The following HDGF variants were observed in gnomAD, a reference collection of about 807,000 sequenced individuals.
HDGF encodes the protein heparin binding growth factor.
HDGF carries 5 observed loss-of-function variants against 30.0 expected under a neutral mutation model. The ratio of observed to expected loss-of-function variants is 0.17; its 90% CI spans 0.09 to 0.35. The LOEUF is 0.35. Ranked by LOEUF, HDGF falls within the 10% of genes least tolerant of loss-of-function variation. HDGF has a pLI of 1.00. For synonymous variants in HDGF, 133 were observed against 112.7 expected, an observed-to-expected ratio of 1.18 and a Z score of -1.14; for missense variants, 214 against 302.8, an observed-to-expected ratio of 0.71 and a Z score of 2.18.
rs1274656267 is a variant in HDGF, at chr1:156,751,299, C to T, written c.87+44G>A. 1 of 1,593,418 alleles carries T rather than the reference C, an allele frequency of 6.3e-7. No homozygotes were observed. The highest frequency in any genetic ancestry group is 2.3e-5 in the East Asian group (1 of 43,108). ...CGTGCCCTTCCCGGTGTTATGCAAC[C>T]CAAGCCCGCAGGGGGTTAGGGGGCG... On this transcript the variant is annotated intron_variant, in intron 1 of 5. Coordinates refer to ENST00000357325, the MANE Select transcript of HDGF (RefSeq NM_004494.3). This position sits in a 1 kb window ranked among gnomAD's most constrained non-coding sequence, Gnocchi z 4.7.
At chr1:156,758,036 G>A (rs1379765803) in intron 2 of HDGF, among the ~76,000 whole-genome samples, 6 of 151,960 alleles carry the variant, frequency 3.9e-5, no homozygotes, top group African/African-American at 1.5e-4. Context: ...GGTGGCTCAC[G>A]CCTGTTATCC....
intron 1 of HDGF, among the ~76,000 whole-genome samples, chr1:156,760,351 G>A (rs1463298127): frequency 6.6e-6 from 1 of 152,176 alleles, no homozygotes; most frequent in African/African-American, 2.4e-5. Flanking sequence ...GGGTGAGGGG[G>A]GGCCAAGTCC....
intron 1 of HDGF, among the ~76,000 whole-genome samples, chr1:156,745,777 C>A (rs1034690363): frequency 2.0e-5 from 3 of 152,218 alleles, no homozygotes; most frequent in African/African-American, 7.2e-5. Flanking sequence ...TTTAAGGACT[C>A]TAGAACCCAC....
intron 1 of HDGF, among the ~76,000 whole-genome samples, chr1:156,750,313 A>G (rs1650875003): frequency 6.6e-6 from 1 of 152,156 alleles, no homozygotes; most frequent in South Asian, 2.1e-4. Flanking sequence ...ACCAACTTTA[A>G]GTTGCCAAAT....
intron 1 of HDGF, among the ~76,000 whole-genome samples, chr1:156,749,257 T>C (rs1019020096): frequency 6.6e-5 from 10 of 152,214 alleles, no homozygotes; most frequent in Non-Finnish European, 1.2e-4. Context: ...GCTGAAGATT[T>C]GGGTTTCCTA....
At chr1:156,759,231 A>T (rs1651203026) in intron 1 of HDGF, 1 of 152,184 alleles carries the variant, frequency 6.6e-6, no homozygotes, top group South Asian at 2.1e-4. Context: ...TTTAGGAGGT[A>T]AAAGGAGTGA....
intron 2 of HDGF, among the ~76,000 whole-genome samples, chr1:156,758,496 G>T (rs562178112): frequency 1.5e-4 from 22 of 151,568 alleles, no homozygotes; most frequent in African/African-American, 5.1e-4. Flanking sequence ...GGCAGGCTGA[G>T]GCAGGAGAAT....
chr1:156,762,868 G>T (rs1214301717), intron 1 of HDGF, among the ~76,000 whole-genome samples: 1 of 144,772 alleles, frequency 6.9e-6, no homozygotes, highest in African/African-American at 2.5e-5. Flanking sequence ...GCGAAACTCC[G>T]TCTCAAAAAA....
rs1173202064 is a variant in HDGF, at chr1:156,751,662, GTTGT to G, written c.-237_-234del. 1 of 1,054,624 alleles carries G rather than the reference GTTGT, an allele frequency of 9.5e-7. No individual in the cohort carries two copies. The highest frequency in any genetic ancestry group is 3.6e-5 in the South Asian group (1 of 27,578). 65.3% of individuals were successfully genotyped at this position (1,054,624 alleles called of 1,614,324 possible). ...GGCGCGGTGGGTGCGCGCTCGTGCA[GTTGT>G]TTGTGTTTGAAATTCAATTGCTCCC... On this transcript the variant is annotated 5_prime_UTR_variant, in exon 1 of 6. Transcript: ENST00000357325. This position sits in a 1 kb window ranked among gnomAD's most constrained non-coding sequence, Gnocchi z 4.7.
intron 1 of HDGF, among the ~76,000 whole-genome samples, chr1:156,763,898 T>G (rs75558400): frequency 0.043 from 6,463 of 151,196 alleles, 486 homozygotes; most frequent in African/African-American, 0.15. Flanking sequence ...TAAATTTCTA[T>G]TCTTTAAAAT....
intron 1 of HDGF, among the ~76,000 whole-genome samples, chr1:156,748,993 G>A (rs975433509): frequency 6.6e-6 from 1 of 152,236 alleles, no homozygotes; most frequent in African/African-American, 2.4e-5. Flanking sequence ...GATCAGGGGG[G>A]AAAATCCCTG....
At position 156,742,732 on chromosome 1, in the gene HDGF, A is replaced by G. The variant is rs992099180; in HGVS notation, c.*717T>C. 6.5e-6 allele frequency: 1 copy of G among 154,750 alleles called. No homozygotes were observed. Among genetic ancestry groups the G allele is most frequent in the African/African-American group, 2.4e-5 (1 of 41,488 alleles). 9.6% of individuals were successfully genotyped at this position (154,750 alleles called of 1,614,324 possible). A position where few individuals can be genotyped will look rare whatever the true frequency, so the allele number is the denominator to read the frequency against. On this transcript the variant is annotated 3_prime_UTR_variant, in exon 6 of 6. Transcript: ENST00000357325. Reference sequence around the variant, plus strand: ...GCTCAACACTCCCACCCAAATGGGTAAAGTCAACCCTTCAGGTCTCAGGTC... The same window carrying G: ...GCTCAACACTCCCACCCAAATGGGTGAAGTCAACCCTTCAGGTCTCAGGTC...
rs1250999011 is a variant in HDGF, at chr1:156,758,462, G to A, written n.373+521C>T. ...AAAAACATTCACTGGGCATGGTGGC[G>A]GGCACCTGTAGTCCCAGCTACTTGG... is the stretch of plus-strand genomic sequence containing the variant. On this transcript the variant is annotated intron_variant and non_coding_transcript_variant, in intron 2 of 7. Coordinates refer to the HDGF transcript ENST00000465180. Among the ~76,000 whole-genome samples the A allele has an allele frequency of 4.0e-5, 6 of 151,718 alleles. No individual in the cohort carries two copies. The South Asian group carries it at 1.0e-3, about 26-fold the overall frequency.
chr1:156,763,455 C>T (rs1040743932), intron 1 of HDGF, among the ~76,000 whole-genome samples: 12 of 151,810 alleles, frequency 7.9e-5, no homozygotes, highest in African/African-American at 2.9e-4. Context: ...ACCTTGGGAT[C>T]CACCCGCCTC....
Position 156,763,211 on chromosome 1 carries a change from C to G in HDGF, n.136+3579G>C, listed in dbSNP as rs566911794. On this transcript the variant is annotated intron_variant and non_coding_transcript_variant, in intron 1 of 7. Coordinates refer to the HDGF transcript ENST00000465180. ...CAAATATGTTTAATCATTTCATTCT[C>G]TCTCTTTTTTTTTTTTGTTTGAGAT... is the stretch of plus-strand genomic sequence containing the variant. Among the ~76,000 whole-genome samples the G allele has an allele frequency of 2.0e-5, 3 of 152,022 alleles. No homozygotes were observed. The East Asian group carries it at 5.8e-4, about 29-fold the overall frequency.
intron 1 of HDGF, among the ~76,000 whole-genome samples, chr1:156,749,352 A>C (rs1650812932): frequency 6.6e-6 from 1 of 152,238 alleles, no homozygotes; most frequent in Non-Finnish European, 1.5e-5. Flanking sequence ...CTAGGGACTA[A>C]GACACGGTCC....
intron 4 of HDGF, 72 bp from the exon 5 acceptor site, chr1:156,743,950 C>G (rs996781039): frequency 3.3e-6 from 4 of 1,218,760 alleles, no homozygotes; most frequent in Non-Finnish European, 4.9e-6. Context: ...TCCTCTCCTC[C>G]GGGGCTCCTT....
intron 3 of HDGF, 198 bp from the exon 4 acceptor site, chr1:156,744,546 G>A: frequency 6.5e-7 from 1 of 1,542,852 alleles, no homozygotes; most frequent in Non-Finnish European, 8.7e-7. Context: ...CGGGCAGGCA[G>A]GGCTCTGTGC....
At chr1:156,754,928 A>G (rs148866257), upstream of HDGF, among the ~76,000 whole-genome samples, 466 of 152,338 alleles carry the variant, frequency 3.1e-3, 4 homozygotes, top group African/African-American at 0.011. Flanking sequence ...AGCCTGGGCA[A>G]CAAGAGTGAA....
Sources: gnomAD v4.1 joint callset for allele counts (sites outside exome capture counted in the v4.1 genomes callset) on GRCh38, gnomAD v4.1.1 for gene constraint, Gnocchi (gnomAD v3.1) non-coding constraint, MANE v1.5 for transcripts, NCBI Gene and HGNC (gene_info 2026-07-23, HGNC 2026-07-21) for gene names.